Variants in TLCD3B observed in about 807,000 individuals in gnomAD.
The protein encoded by TLCD3B is ceramide synthase.
Under a neutral mutation model 23.0 loss-of-function variants are expected in TLCD3B, and 9 were observed. The observed-to-expected ratio is 0.39, with a 90% CI of 0.24 to 0.68. The LOEUF is 0.68. Among genes scored for constraint, TLCD3B ranks in the 30% least tolerant of loss-of-function variants. The probability of loss-of-function intolerance (pLI) is 0.44; values close to 1 mark genes in which losing one functional copy is unlikely to be tolerated. For missense variants in TLCD3B, 307 were observed against 371.8 expected (o/e 0.83, Z 1.43); for synonymous variants, 161 against 161.0 (o/e 1.00, Z 0.00).
At position 30,029,676 on chromosome 16, in the gene TLCD3B, C is replaced by T. The variant is rs2071293474; in HGVS notation, c.126-161G>A. 1 of 658,270 alleles carries T rather than the reference C, an allele frequency of 1.5e-6. No homozygotes were observed. The highest frequency in any genetic ancestry group is 2.8e-5 in the East Asian group (1 of 35,760). 40.8% of individuals were successfully genotyped at this position (658,270 alleles called of 1,614,324 possible). On this transcript the variant is annotated intron_variant, in intron 1 of 4. Transcript: ENST00000380495. The surrounding 1 kb of genome is among the most constrained non-coding windows in gnomAD (Gnocchi z 4.6). ...AGGCTGGGCTGCCTGAGGTGTGCCC[C>T]ACCACAGGTACCTCACGGCTCTCCG...
At chr16:30,035,195 A>G, upstream of TLCD3B, 3 of 814,858 alleles carry the variant, frequency 3.7e-6, no homozygotes, top group South Asian at 5.3e-5. Flanking sequence ...TATAGGCGTG[A>G]GCCACCACGC....
chr16:30,049,923 CA>C (rs35810240), intron 1 of TLCD3B, among the ~76,000 whole-genome samples: 64,855 of 130,836 alleles, frequency 0.5, 14,495 homozygotes, highest in African/African-American at 0.53. Flanking sequence ...GACTCCATCT[CA>C]AAAAAAAAAA....
chr16:30,047,599 G>A (rs1316733195), intron 1 of TLCD3B, among the ~76,000 whole-genome samples: 2 of 152,036 alleles, frequency 1.3e-5, no homozygotes, highest in African/African-American at 2.4e-5. Flanking sequence ...TGGGATTACA[G>A]GTGAGAGCCA....
At chr16:30,040,147 A>AATAAAATAT (rs1555475531) in intron 3 of TLCD3B, among the ~76,000 whole-genome samples, 1 of 95,894 alleles carries the variant, frequency 1.0e-5, no homozygotes, top group East Asian at 2.4e-4. Context: ...AAAAAAAAAA[A>AATAAAATAT]ATATATATAT....
chr16:30,042,020 C>T (rs1003284121), intron 2 of TLCD3B, among the ~76,000 whole-genome samples: 3 of 152,138 alleles, frequency 2.0e-5, no homozygotes, highest in Non-Finnish European at 4.4e-5. Flanking sequence ...TTATTGTTCC[C>T]CTAAGGAGCC....
chr16:30,051,212 T>C (rs2071743348), intron 1 of TLCD3B, among the ~76,000 whole-genome samples: 2 of 151,748 alleles, frequency 1.3e-5, no homozygotes, highest in African/African-American at 4.8e-5. Context: ...CTGGCCAACA[T>C]AGTGAGACCC....
intron 1 of TLCD3B, among the ~76,000 whole-genome samples, chr16:30,052,086 G>C (rs965822378): frequency 6.6e-6 from 1 of 152,158 alleles, no homozygotes; most frequent in African/African-American, 2.4e-5. Context: ...AGAAAAAAAG[G>C]CTGGGCACAG....
chr16:30,032,733 A>C (rs531925785), upstream of TLCD3B: 2 of 146,932 alleles, frequency 1.4e-5, no homozygotes, highest in South Asian at 2.2e-4. Context: ...TGCAACCTCA[A>C]CCTCCCCGGG....
At chr16:30,040,037 G>A (rs2071547912) in intron 3 of TLCD3B, among the ~76,000 whole-genome samples, 1 of 150,888 alleles carries the variant, frequency 6.6e-6, no homozygotes, top group Non-Finnish European at 1.5e-5. Context: ...AGGAGGCTGA[G>A]GCAGGAGAAT....
chr16:30,052,389 A>G (rs765417295), intron 1 of TLCD3B, among the ~76,000 whole-genome samples: 1 of 151,556 alleles, frequency 6.6e-6, no homozygotes, highest in Non-Finnish European at 1.5e-5. Flanking sequence ...AAATCAATTA[A>G]TAAATAAATC....
At chr16:30,042,615 T>C (rs558118842) in intron 2 of TLCD3B, among the ~76,000 whole-genome samples, 2 of 152,318 alleles carry the variant, frequency 1.3e-5, no homozygotes, top group Admixed American at 1.3e-4. Context: ...TGAGAGGTTA[T>C]ATTAATTATT....
Position 30,029,389 on chromosome 16 carries a change from C to A in TLCD3B, c.209+43G>T. 2 of 1,573,156 alleles carry A rather than the reference C, an allele frequency of 1.3e-6. No homozygotes were observed. Among genetic ancestry groups the A allele is most frequent in the Middle Eastern group, 1.8e-4 (1 of 5,538 alleles). ...GTCTTCCGGGATTACCCGTACACGC[C>A]AACCACTGGCACCTGGGCAGGGGGG... On this transcript the variant is annotated intron_variant, in intron 2 of 4. Coordinates refer to ENST00000380495, the MANE Select transcript of TLCD3B (RefSeq NM_031478.6). The surrounding 1 kb of genome is among the most constrained non-coding windows in gnomAD (Gnocchi z 4.6).
upstream of TLCD3B, among the ~76,000 whole-genome samples, chr16:30,031,510 C>T (rs1242811598): frequency 6.6e-6 from 1 of 152,212 alleles, no homozygotes; most frequent in African/African-American, 2.4e-5. Context: ...CCTGGCATCT[C>T]CTCCCTCACC....
rs140995860 is a variant in TLCD3B, at chr16:30,049,505, C to T, written c.-293-3118G>A. Among the ~76,000 whole-genome samples, 362 of 152,292 alleles carry T rather than the reference C, an allele frequency of 2.4e-3. 3 individuals carry two copies. The highest frequency in any genetic ancestry group is 8.1e-3 in the African/African-American group (337 of 41,550). Reference sequence around the variant, plus strand: ...TGTCTGCCCTTTCCTAGGGGAAGTGCGGAACTACATATGATACATCTGACA... The same window carrying T: ...TGTCTGCCCTTTCCTAGGGGAAGTGTGGAACTACATATGATACATCTGACA... On this transcript the variant is annotated intron_variant, in intron 1 of 6. Transcript: ENST00000561666.
chr16:30,028,900 A>G (rs1172905520), intron 2 of TLCD3B, among the ~76,000 whole-genome samples: 1 of 152,156 alleles, frequency 6.6e-6, no homozygotes, highest in Non-Finnish European at 1.5e-5. Flanking sequence ...GGCAACCACC[A>G]GACACTGCAG....
rs373954480 is a variant in TLCD3B at position 30,025,207 on chromosome 16, G to A, written c.801C>T (p.Pro267=). Residue 267 remains proline (P), a synonymous_variant, in exon 5 of 5, where the codon CCC becomes CCT. Transcript: ENST00000380495. The surrounding 1 kb of genome is among the most constrained non-coding windows in gnomAD (Gnocchi z 4.1). The part of the protein sequence containing the change: ...CRLFWPRSRP[P]PACQAQD ...CTCAGTCCTGGGCCTGGCAGGCCGG[G>A]GGCGGCCGGGAGCGGGGCCAGAAGA... 18 of 1,491,624 alleles carry A rather than the reference G, an allele frequency of 1.2e-5. No homozygotes were observed. The East Asian group carries it at 3.2e-4, about 27-fold the overall frequency. 92.4% of individuals were successfully genotyped at this position (1,491,624 alleles called of 1,614,324 possible). A position where few individuals can be genotyped will look rare whatever the true frequency, so the allele number is the denominator to read the frequency against.
Position 30,025,856 on chromosome 16 carries a change from C to T in TLCD3B, c.445-35G>A, listed in dbSNP as rs765167401. 2 of 1,569,622 alleles carry T rather than the reference C, an allele frequency of 1.3e-6. No homozygotes were observed. The highest frequency in any genetic ancestry group is 1.8e-6 in the Non-Finnish European group (2 of 1,141,194). On this transcript the variant is annotated intron_variant, in intron 3 of 4. Coordinates refer to ENST00000380495, the MANE Select transcript of TLCD3B (RefSeq NM_031478.6). This position sits in a 1 kb window ranked among gnomAD's most constrained non-coding sequence, Gnocchi z 4.1. Reference sequence around the variant, plus strand: ...GAGGCAGGAAGGTGAGGAGCTGGGGCTCTCCCTGGGTTCTTGGGCAGCCCC... The same window carrying T: ...GAGGCAGGAAGGTGAGGAGCTGGGGTTCTCCCTGGGTTCTTGGGCAGCCCC...
upstream of TLCD3B, among the ~76,000 whole-genome samples, chr16:30,031,940 C>T (rs560094681): frequency 7.9e-4 from 120 of 152,286 alleles, 1 homozygote; most frequent in African/African-American, 2.8e-3. Flanking sequence ...GGGGCAGCTG[C>T]CTCTCAGGAA....
chr16:30,040,236 T>C (rs1349461712), intron 3 of TLCD3B, among the ~76,000 whole-genome samples: 2 of 150,898 alleles, frequency 1.3e-5, no homozygotes, highest in Admixed American at 1.3e-4. Flanking sequence ...AGCTCCTGCA[T>C]AGCTCATTGT....
Sources: gnomAD v4.1 joint callset for allele counts (sites outside exome capture counted in the v4.1 genomes callset) on GRCh38, gnomAD v4.1.1 for gene constraint, Gnocchi (gnomAD v3.1) non-coding constraint, MANE v1.5 for transcripts, NCBI Gene and HGNC (gene_info 2026-07-23, HGNC 2026-07-21) for gene names.